ZNF202: variants seen among roughly 807,000 people sequenced by gnomAD.
ZNF202 encodes zinc finger protein with KRAB and SCAN domains 10.
A neutral mutation model predicts 54.5 loss-of-function variants in ZNF202; 22 were observed. That is an observed-to-expected ratio of 0.40 (90% CI 0.29 to 0.58). ZNF202 has a LOEUF of 0.58. ZNF202 is among the 20% of genes least tolerant of loss of function. The pLI is 0.39. For synonymous variants in ZNF202, 294 were observed against 301.4 expected, an observed-to-expected ratio of 0.98 and a Z score of 0.26; for missense variants, 644 against 805.5, an observed-to-expected ratio of 0.80 and a Z score of 2.43.
Position 123,724,157 on chromosome 11 carries a change from G to A in ZNF202, c.*1840C>T, listed in dbSNP as rs1211690604. 1.3e-5 allele frequency: 2 copies of A among 152,252 alleles called. No homozygotes were observed. Among genetic ancestry groups the A allele is most frequent in the African/African-American group, 4.8e-5 (2 of 41,544 alleles). The allele number at this position is 152,252 out of a possible 1,614,324, so 9.4% of individuals were successfully genotyped here. On this transcript the variant is annotated 3_prime_UTR_variant, in exon 9 of 9. Transcript: ENST00000530393. The stretch of plus-strand genomic sequence containing the variant: ...GTATCTTCTGCAAACTCCAGGCTTG[G>A]ATCTTATCTCAGAGTGCATATGTTT...
intron 3 of ZNF202, among the ~76,000 whole-genome samples, chr11:123,738,321 A>C (rs112866663): frequency 5.8e-4 from 89 of 152,294 alleles, no homozygotes; most frequent in African/African-American, 2.0e-3. Flanking sequence ...TCAAATACAG[A>C]TTTTTAAGAG....
chr11:123,730,338 C>A lies in ZNF202; in HGVS notation c.402+149G>T. The A allele has an allele frequency of 1.0e-6, 1 of 961,488 alleles. No individual in the cohort carries two copies. Among genetic ancestry groups the A allele is most frequent in the East Asian group, 2.7e-5 (1 of 37,566 alleles). 59.6% of individuals were successfully genotyped at this position (961,488 alleles called of 1,614,324 possible). A position where few individuals can be genotyped will look rare whatever the true frequency, so the allele number is the denominator to read the frequency against. Reference sequence around the variant, plus strand: ...AGTCACATTCATACACACACATCCCCCTAATCCATGGGGCTCATGGTATAT... The same window carrying A: ...AGTCACATTCATACACACACATCCCACTAATCCATGGGGCTCATGGTATAT... On this transcript the variant is annotated intron_variant, in intron 4 of 8. Transcript: ENST00000530393. The surrounding 1 kb of genome is among the most constrained non-coding windows in gnomAD (Gnocchi z 6.0).
Position 123,730,932 on chromosome 11 carries a change from G to A in ZNF202, c.-44C>T, listed in dbSNP as rs756100544. 6.4e-7 allele frequency: 1 copy of A among 1,570,784 alleles called. No individual in the cohort carries two copies. The highest frequency in any genetic ancestry group is 1.4e-5 in the African/African-American group (1 of 73,632). Reference sequence around the variant, plus strand: ...TCTCACACCATCTAGAGCTCACACTGTCATTAGCCCCCCGCCTCAGCCTGG... The same window carrying A: ...TCTCACACCATCTAGAGCTCACACTATCATTAGCCCCCCGCCTCAGCCTGG... On this transcript the variant is annotated 5_prime_UTR_variant, in exon 4 of 9. Transcript: ENST00000530393. The surrounding 1 kb of genome is among the most constrained non-coding windows in gnomAD (Gnocchi z 6.0).
At position 123,725,226 on chromosome 11, in the gene ZNF202, G is replaced by A. The variant is rs1411202994; in HGVS notation, c.*771C>T. 6.6e-6 allele frequency: 1 copy of A among 152,194 alleles called. No homozygotes were observed. Among genetic ancestry groups the A allele is most frequent in the Non-Finnish European group, 1.5e-5 (1 of 68,030 alleles). 9.4% of individuals were successfully genotyped at this position (152,194 alleles called of 1,614,324 possible). On this transcript the variant is annotated 3_prime_UTR_variant, in exon 9 of 9. Coordinates refer to ENST00000530393, the MANE Select transcript of ZNF202 (RefSeq NM_003455.4). ...AAGAGACTGGTTGAATAACGGGAAG[G>A]TTAAATGCATGAGTATTTTAATAGA...
intron 3 of ZNF202, among the ~76,000 whole-genome samples, chr11:123,738,026 G>A (rs1207815044): frequency 6.6e-6 from 1 of 152,166 alleles, no homozygotes; most frequent in East Asian, 1.9e-4. Context: ...AGATTTTTAA[G>A]TTTTGAGATA....
intron 1 of ZNF202, among the ~76,000 whole-genome samples, chr11:123,740,886 G>A (rs1340854911): frequency 6.6e-6 from 1 of 152,230 alleles, no homozygotes; most frequent in African/African-American, 2.4e-5. Context: ...CTGGCTGTTA[G>A]GAGTGGGAGG....
chr11:123,738,817 C>G (rs1201151455), intron 3 of ZNF202: 1 of 152,192 alleles, frequency 6.6e-6, no homozygotes, highest in Non-Finnish European at 1.5e-5. Context: ...TGGCTTTGCT[C>G]AAGGGTCCTT....
intron 1 of ZNF202, among the ~76,000 whole-genome samples, chr11:123,741,270 G>T (rs988057527): frequency 6.6e-6 from 1 of 152,132 alleles, no homozygotes; most frequent in Non-Finnish European, 1.5e-5. Context: ...GGCCCCAGGA[G>T]GGGGCGGAGG....
chr11:123,732,233 A>G (rs906865035), intron 3 of ZNF202, among the ~76,000 whole-genome samples: 13 of 152,174 alleles, frequency 8.5e-5, no homozygotes, highest in African/African-American at 3.1e-4. Flanking sequence ...CGTACCCACT[A>G]TGATCAGAAC....
At position 123,726,034 on chromosome 11, in the gene ZNF202, A is replaced by G; in HGVS notation, c.1910T>C (p.Ile637Thr). 1 of 1,614,024 alleles carries G rather than the reference A, an allele frequency of 6.2e-7. No individual in the cohort carries two copies. The highest frequency in any genetic ancestry group is 8.5e-7 in the Non-Finnish European group (1 of 1,179,910). ...GKSFSRGYHL[I>T]RHQRTHSEKT... is the part of the protein sequence containing the mutation. Reference sequence around the variant, plus strand: ...TTCTGAGTGGGTCCTCTGATGCCTAATTAAGTGATATCCTCTGCTGAAGCT... The same window carrying G: ...TTCTGAGTGGGTCCTCTGATGCCTAGTTAAGTGATATCCTCTGCTGAAGCT... The change falls in exon 9 of 9, where the codon ATT becomes ACT. Residue 637 changes from isoleucine to threonine, a missense_variant. Coordinates refer to ENST00000530393, the MANE Select transcript of ZNF202 (RefSeq NM_003455.4). The surrounding 1 kb of genome is among the most constrained non-coding windows in gnomAD (Gnocchi z 6.0).
intron 3 of ZNF202, among the ~76,000 whole-genome samples, chr11:123,735,817 T>C (rs1861612284): frequency 6.6e-6 from 1 of 152,258 alleles, no homozygotes; most frequent in Non-Finnish European, 1.5e-5. Context: ...GTGTTTTTAT[T>C]CTATAATTAA....
At chr11:123,737,398 G>C (rs1025169208) in intron 3 of ZNF202, among the ~76,000 whole-genome samples, 46 of 151,902 alleles carry the variant, frequency 3.0e-4, no homozygotes, top group Non-Finnish European at 6.3e-4. Flanking sequence ...TTTCCCCCCC[G>C]CCCCTTCATA....
In ZNF202 at chr11:123,723,965, T is replaced by C. The variant is rs75886359; in HGVS notation, c.*2032A>G. Among the ~76,000 whole-genome samples the C allele has an allele frequency of 2.1e-3, 319 of 152,308 alleles. 1 individual carries two copies. Among genetic ancestry groups the C allele is most frequent in the African/African-American group, 7.1e-3 (294 of 41,558 alleles). On this transcript the variant is annotated 3_prime_UTR_variant, in exon 9 of 9. Transcript: ENST00000530393. ...TTTTCATTTATTGGAATAATGCAAA[T>C]AAGAAAATTAAAAAGTCAATTTGTT... is the stretch of plus-strand genomic sequence containing the variant.
chr11:123,730,168 CTA>C lies in ZNF202; in HGVS notation c.402+317_402+318del, dbSNP rs1477197247. ...GGAAGGGGGATCTGTGACTGGGGATCTATGAGAACCTTCGAGGAAGTCACAAA... is the reference window on the plus strand; with the variant it reads ...GGAAGGGGGATCTGTGACTGGGGATCTGAGAACCTTCGAGGAAGTCACAAA... On this transcript the variant is annotated intron_variant, in intron 4 of 8. Transcript: ENST00000530393. The surrounding 1 kb of genome is among the most constrained non-coding windows in gnomAD (Gnocchi z 6.0). 6.6e-6 allele frequency among the ~76,000 whole-genome samples: 1 copy of C among 152,152 alleles called. No homozygotes were observed. The highest frequency in any genetic ancestry group is 1.5e-5 in the Non-Finnish European group (1 of 68,030).
chr11:123,739,102 C>G (rs545327921), intron 3 of ZNF202, among the ~76,000 whole-genome samples: 1 of 152,120 alleles, frequency 6.6e-6, no homozygotes, highest in Non-Finnish European at 1.5e-5. Context: ...TGAGTTTAAG[C>G]TTTCTATTTC....
intron 3 of ZNF202, chr11:123,739,375 G>T (rs1204770061): frequency 6.8e-6 from 1 of 148,108 alleles, no homozygotes; most frequent in Non-Finnish European, 1.5e-5. Flanking sequence ...CGTCAATTAC[G>T]TGTCCCACAC....
In ZNF202 at chr11:123,730,836, ATTCCCTCT is replaced by A. The variant is rs772817114; in HGVS notation, c.45_52del (p.Glu15AspfsTer9). The A allele has an allele frequency of 6.2e-7, 1 of 1,614,164 alleles. No individual in the cohort carries two copies. On this transcript the variant is annotated frameshift_variant, in exon 4 of 9. Transcript: ENST00000530393. LOFTEE classifies it high-confidence loss of function. This position sits in a 1 kb window ranked among gnomAD's most constrained non-coding sequence, Gnocchi z 6.0. ...ATCATCTTCCAGTTTCACCATCAGA[ATTCCCTCT>A]TCTTCCCAAAGATCCTGGTCCTCTG...
rs1459155198 is a variant in ZNF202, at chr11:123,724,656, A to G, written c.*1341T>C. ...CCCACAATCAGAGAAGGTGAGGTTC[A>G]TAATTATTCAGCCTCATCTCCAAGG... is the stretch of plus-strand genomic sequence containing the variant. On this transcript the variant is annotated 3_prime_UTR_variant, in exon 9 of 9. Coordinates refer to ENST00000530393, the MANE Select transcript of ZNF202 (RefSeq NM_003455.4). 1.3e-5 allele frequency: 2 copies of G among 152,240 alleles called. No individual in the cohort carries two copies. Among genetic ancestry groups the G allele is most frequent in the Non-Finnish European group, 2.9e-5 (2 of 68,044 alleles). The allele number at this position is 152,240 out of a possible 1,614,324, so 9.4% of individuals were successfully genotyped here. A position where few individuals can be genotyped will look rare whatever the true frequency, so the allele number is the denominator to read the frequency against.
At chr11:123,728,061 G>A in intron 7 of ZNF202, 72 bp downstream of exon 7, 3 of 1,548,974 alleles carry the variant, frequency 1.9e-6, no homozygotes, top group Non-Finnish European at 2.6e-6. Context: ...TAAGGTCTAA[G>A]ATCCCCCAAA....
Sources: allele counts gnomAD v4.1 joint callset (sites outside exome capture counted in the v4.1 genomes callset), GRCh38; gene constraint gnomAD v4.1.1; non-coding constraint Gnocchi (gnomAD v3.1); transcripts MANE v1.5; gene names NCBI Gene and HGNC (gene_info 2026-07-23, HGNC 2026-07-21).